NFILZ: variants seen among roughly 807,000 people sequenced by gnomAD.
NFILZ encodes the protein NFIL3 like basic leucine zipper, also known as NFIL3 like protein.
intron 3 of NFILZ, among the ~76,000 whole-genome samples, chr19:8,663,722 T>TTGTGTGTGTGTGTGTGTGTGTG (rs879983007): frequency 2.8e-4 from 3 of 10,776 alleles, no homozygotes; most frequent in Non-Finnish European, 4.6e-4. Flanking sequence ...GTGTGTGTGT[T>TTGTGTGTGTGTGTGTGTGTGTG]TGTGTGTGTG....
chr19:8,671,643 G>A (rs565834667), intron 3 of NFILZ, among the ~76,000 whole-genome samples: 1 of 152,118 alleles, frequency 6.6e-6, no homozygotes. Context: ...TTCCAGCCCA[G>A]CTGTGTTCAT....
chr19:8,645,350 G>T (rs2042934833), intron 3 of NFILZ, among the ~76,000 whole-genome samples: 2 of 149,456 alleles, frequency 1.3e-5, no homozygotes, highest in Non-Finnish European at 3.0e-5. Flanking sequence ...TGTTGCCCAG[G>T]CTGGTCTTCA....
At chr19:8,658,632 T>C (rs2043015690) in intron 3 of NFILZ, among the ~76,000 whole-genome samples, 2 of 150,768 alleles carry the variant, frequency 1.3e-5, no homozygotes, top group African/African-American at 4.9e-5. Context: ...TCCTCACCTA[T>C]CAAATCAGAG....
chr19:8,656,427 C>CT (rs1329893353), intron 3 of NFILZ, among the ~76,000 whole-genome samples: 1,089 of 32,226 alleles, frequency 0.034, 80 homozygotes, highest in East Asian at 0.071. Context: ...CACCTCTTTC[C>CT]GCAGCCCACC....
At chr19:8,657,231 T>C (rs2043008661) in intron 3 of NFILZ, among the ~76,000 whole-genome samples, 2 of 151,136 alleles carry the variant, frequency 1.3e-5, no homozygotes, top group South Asian at 4.2e-4. Context: ...CTCAGCCTCC[T>C]GAGTAGCTGG....
intron 3 of NFILZ, among the ~76,000 whole-genome samples, chr19:8,637,764 A>G (rs1555746236): frequency 2.0e-5 from 3 of 148,486 alleles, no homozygotes; most frequent in South Asian, 2.1e-4. Flanking sequence ...AAAATTAGCC[A>G]GGCATGGTGG....
At chr19:8,640,340 A>ATTTT (rs2042914141) in intron 3 of NFILZ, among the ~76,000 whole-genome samples, 1 of 63,854 alleles carries the variant, frequency 1.6e-5, no homozygotes, top group African/African-American at 5.4e-5. Context: ...TTTTTTTACC[A>ATTTT]TTGCTTGAGC....
rs1259760879 is a variant in NFILZ at position 8,680,929 on chromosome 19, G to A, written c.*3294G>A. Among the ~76,000 whole-genome samples, 1 of 152,146 alleles carries A rather than the reference G, an allele frequency of 6.6e-6. No individual in the cohort carries two copies. The highest frequency in any genetic ancestry group is 1.5e-5 in the Non-Finnish European group (1 of 68,034). Reference sequence around the variant, plus strand: ...AAGATTGAGGAGGCCCATGTGGCTGGAGTGGAGTGAGTAAGGGGGAGAGAG... The same window carrying A: ...AAGATTGAGGAGGCCCATGTGGCTGAAGTGGAGTGAGTAAGGGGGAGAGAG... On this transcript the variant is annotated 3_prime_UTR_variant, in exon 6 of 6. Transcript: ENST00000691075.
intron 3 of NFILZ, among the ~76,000 whole-genome samples, chr19:8,636,100 G>A (rs576976212): frequency 1.3e-5 from 2 of 152,046 alleles, no homozygotes; most frequent in South Asian, 2.1e-4. Context: ...TCCTCCCAAA[G>A]TACTGGTATT....
chr19:8,633,316 C>A (rs2042879156), intron 2 of NFILZ, among the ~76,000 whole-genome samples: 1 of 152,142 alleles, frequency 6.6e-6, no homozygotes. Context: ...GCCAACGCGC[C>A]CGGCCTCCTT....
In NFILZ at chr19:8,663,772, A is replaced by ATGTGTGTATGTGTGTGTGTGTGTGTG. The variant is rs1555749471; in HGVS notation, c.-163-10776_-163-10775insGTGTATGTGTGTGTGTGTGTGTGTGT. Among the ~76,000 whole-genome samples, 17 of 77,018 alleles carry ATGTGTGTATGTGTGTGTGTGTGTGTG rather than the reference A, an allele frequency of 2.2e-4. No individual in the cohort carries two copies. The South Asian group carries it at 2.9e-3, about 13-fold the overall frequency. 50.5% of individuals were successfully genotyped at this position (77,018 alleles called of 152,430 possible). ...TGTGTGTGTGTGTGTGTGTGTGTGT[A>ATGTGTGTATGTGTGTGTGTGTGTGTG]TGTATGTGTGTTTGTTGTGGGGGGG... is the stretch of plus-strand genomic sequence containing the variant. On this transcript the variant is annotated intron_variant, in intron 3 of 5. Coordinates refer to ENST00000691075, the MANE Select transcript of NFILZ (RefSeq NM_001378600.1).
chr19:8,668,664 T>G (rs894733565), intron 3 of NFILZ, among the ~76,000 whole-genome samples: 2 of 152,194 alleles, frequency 1.3e-5, no homozygotes, highest in Non-Finnish European at 2.9e-5. Flanking sequence ...CGTGCATGCT[T>G]TTGACCTTAT....
intron 3 of NFILZ, among the ~76,000 whole-genome samples, chr19:8,660,948 TCCTCCCTC>T (rs548870089): frequency 1.4e-5 from 2 of 144,902 alleles, no homozygotes; most frequent in Non-Finnish European, 3.0e-5. Context: ...CCTCCTTCCT[TCCTCCCTC>T]CCTCCCTCCT....
intron 3 of NFILZ, among the ~76,000 whole-genome samples, chr19:8,672,927 C>T (rs1436915726): frequency 6.6e-6 from 1 of 151,964 alleles, no homozygotes; most frequent in African/African-American, 2.4e-5. Flanking sequence ...AATGGAATTT[C>T]AAAAAGCTAC....
intron 2 of NFILZ, among the ~76,000 whole-genome samples, chr19:8,634,768 T>G (rs2042886889): frequency 2.0e-5 from 3 of 152,038 alleles, no homozygotes; most frequent in Admixed American, 2.0e-4. Context: ...TAGTTCCAGC[T>G]AATTGGGAGG....
intron 3 of NFILZ, among the ~76,000 whole-genome samples, chr19:8,658,802 T>C (rs1024241037): frequency 3.3e-5 from 5 of 152,198 alleles, no homozygotes; most frequent in African/African-American, 1.2e-4. Flanking sequence ...GAGACGTTAG[T>C]TGCTGGGCGC....
At chr19:8,670,554 A>G (rs2043081858) in intron 3 of NFILZ, among the ~76,000 whole-genome samples, 2 of 152,254 alleles carry the variant, frequency 1.3e-5, no homozygotes, top group South Asian at 2.1e-4. Context: ...GGCAGGCGCC[A>G]TGAGACTGGA....
chr19:8,648,218 T>C (rs1473878608), intron 3 of NFILZ, among the ~76,000 whole-genome samples: 1 of 148,308 alleles, frequency 6.7e-6, no homozygotes, highest in Non-Finnish European at 1.5e-5. Flanking sequence ...ATGCCGGGCT[T>C]AATACCTAGG....
rs1600158052 is a variant in NFILZ, at chr19:8,678,055, C to CCATTCAG, written c.*421_*422insATTCAGC. Among the ~76,000 whole-genome samples the CCATTCAG allele has an allele frequency of 2.4e-5, 1 of 41,946 alleles. No homozygotes were observed. The highest frequency in any genetic ancestry group is 9.6e-5 in the African/African-American group (1 of 10,398). 27.5% of individuals were successfully genotyped at this position (41,946 alleles called of 152,430 possible). A position where few individuals can be genotyped will look rare whatever the true frequency, so the allele number is the denominator to read the frequency against. On this transcript the variant is annotated 3_prime_UTR_variant, in exon 6 of 6. Coordinates refer to ENST00000691075, the MANE Select transcript of NFILZ (RefSeq NM_001378600.1). The stretch of plus-strand genomic sequence containing the variant: ...ATCCATCCATCCATCCATCCATCCA[C>CCATTCAG]CCATCTATTCATCCATCCATCAATC...
Sources: allele counts gnomAD v4.1 joint callset (sites outside exome capture counted in the v4.1 genomes callset), GRCh38; gene constraint gnomAD v4.1.1; transcripts MANE v1.5; gene names NCBI Gene and HGNC (gene_info 2026-07-23, HGNC 2026-07-21).